The following DYNC1I1 variants were observed in gnomAD, a reference collection of about 807,000 sequenced individuals.
DYNC1I1 encodes cytoplasmic dynein 1 intermediate chain 1.
A neutral mutation model predicts 86.6 loss-of-function variants in DYNC1I1; 43 were observed. That is an observed-to-expected ratio of 0.50 (90% CI 0.39 to 0.64). The LOEUF is 0.64. DYNC1I1 is among the 30% of genes least tolerant of loss of function. DYNC1I1 has a pLI of 0.00. For synonymous variants in DYNC1I1, 262 were observed against 283.7 expected (o/e 0.92, Z 0.77); for missense variants, 604 against 788.8 (o/e 0.77, Z 2.81).
intron 14 of DYNC1I1, among the ~76,000 whole-genome samples, chr7:96,066,997 A>G (rs1322003016): frequency 1.3e-5 from 2 of 152,200 alleles, no homozygotes; most frequent in African/African-American, 4.8e-5. Flanking sequence ...AGACAGAAAC[A>G]TCTCCTAAAA....
intron 6 of DYNC1I1, among the ~76,000 whole-genome samples, chr7:95,916,344 A>G (rs1280816270): frequency 6.6e-6 from 1 of 152,238 alleles, no homozygotes; most frequent in East Asian, 1.9e-4. Flanking sequence ...AAACTGGAGT[A>G]TGTAAGCAGA....
intron 16 of DYNC1I1, among the ~76,000 whole-genome samples, chr7:96,105,798 G>T (rs1204445454): frequency 6.6e-6 from 1 of 152,022 alleles, no homozygotes; most frequent in Non-Finnish European, 1.5e-5. Flanking sequence ...AAACGTTTTT[G>T]GTAACAAGTG....
intron 1 of DYNC1I1, among the ~76,000 whole-genome samples, chr7:95,778,511 C>A (rs930139544): frequency 1.3e-5 from 2 of 152,084 alleles, no homozygotes; most frequent in African/African-American, 2.4e-5. Flanking sequence ...GTGAGTAGGG[C>A]CAGAAGGAGC....
At chr7:95,856,800 G>T (rs1292037293) in intron 5 of DYNC1I1, among the ~76,000 whole-genome samples, 1 of 151,950 alleles carries the variant, frequency 6.6e-6, no homozygotes, top group Non-Finnish European at 1.5e-5. Context: ...CCAAGATGGT[G>T]AAACCCCATC....
At chr7:95,814,808 T>C (rs1794911687) in intron 4 of DYNC1I1, among the ~76,000 whole-genome samples, 1 of 152,134 alleles carries the variant, frequency 6.6e-6, no homozygotes, top group South Asian at 2.1e-4. Context: ...TAGAGGTTTT[T>C]GAGGGCATAA....
At chr7:95,878,157 A>C (rs1476855557) in intron 6 of DYNC1I1, among the ~76,000 whole-genome samples, 4 of 152,182 alleles carry the variant, frequency 2.6e-5, no homozygotes, top group Non-Finnish European at 4.4e-5. Context: ...TAAAAAAAGA[A>C]ATTTGAGGCA....
At chr7:95,961,431 T>C (rs1792863940) in intron 6 of DYNC1I1, among the ~76,000 whole-genome samples, 1 of 152,232 alleles carries the variant, frequency 6.6e-6, no homozygotes, top group African/African-American at 2.4e-5. Flanking sequence ...TTTTATTTAA[T>C]TTGCTGAACA....
At chr7:95,883,219 C>T (rs1432831551) in intron 6 of DYNC1I1, among the ~76,000 whole-genome samples, 5 of 152,144 alleles carry the variant, frequency 3.3e-5, no homozygotes, top group African/African-American at 1.2e-4. Flanking sequence ...AAAGACCTCA[C>T]AATTGCTCAT....
intron 14 of DYNC1I1, 73 bp from the exon 15 acceptor site, chr7:96,075,984 T>G: frequency 6.5e-7 from 1 of 1,546,960 alleles, no homozygotes; most frequent in Non-Finnish European, 8.7e-7. Context: ...GTGCAAAGTT[T>G]TTAATTAGGC....
At chr7:95,971,935 C>T (rs1266118843) in intron 6 of DYNC1I1, among the ~76,000 whole-genome samples, 1 of 152,114 alleles carries the variant, frequency 6.6e-6, no homozygotes, top group African/African-American at 2.4e-5. Context: ...CCTGAGGTGG[C>T]AGATGGAGGA....
chr7:96,075,813 G>T (rs1790315516), intron 14 of DYNC1I1, among the ~76,000 whole-genome samples: 1 of 152,100 alleles, frequency 6.6e-6, no homozygotes, highest in Admixed American at 6.5e-5. Flanking sequence ...TCTGTTGTCT[G>T]AAACCGCCTC....
intron 1 of DYNC1I1, among the ~76,000 whole-genome samples, chr7:95,780,648 G>A (rs1438808952): frequency 6.6e-6 from 1 of 152,106 alleles, no homozygotes; most frequent in Non-Finnish European, 1.5e-5. Context: ...TCTTTGTCAA[G>A]ATGAAGACTT....
chr7:96,043,608 A>T (rs1789122962), intron 14 of DYNC1I1, among the ~76,000 whole-genome samples: 1 of 152,182 alleles, frequency 6.6e-6, no homozygotes, highest in Non-Finnish European at 1.5e-5. Flanking sequence ...GATCTTACAT[A>T]GATCTTGATT....
chr7:95,832,237 T>C (rs1421762356), intron 5 of DYNC1I1, among the ~76,000 whole-genome samples: 24 of 130,572 alleles, frequency 1.8e-4, no homozygotes, highest in South Asian at 5.2e-4. Context: ...TTTGTTCTTG[T>C]GATAGTTTAC....
At chr7:95,822,652 A>C (rs1304227578) in intron 4 of DYNC1I1, among the ~76,000 whole-genome samples, 1 of 152,190 alleles carries the variant, frequency 6.6e-6, no homozygotes, top group Admixed American at 6.5e-5. Context: ...CTGAACACAT[A>C]ATAGGGCTCC....
intron 12 of DYNC1I1, among the ~76,000 whole-genome samples, chr7:96,034,245 T>C (rs1255324804): frequency 6.6e-6 from 1 of 152,122 alleles, no homozygotes; most frequent in East Asian, 1.9e-4. Context: ...GCTGGAGGGA[T>C]TGGTATTTTA....
intron 1 of DYNC1I1, among the ~76,000 whole-genome samples, chr7:95,795,592 T>C (rs1794414926): frequency 6.6e-6 from 1 of 152,118 alleles, no homozygotes; most frequent in African/African-American, 2.4e-5. Context: ...TGCAGAAACA[T>C]GGATGGAGCT....
At chr7:96,109,986 C>T (rs762737993) in exon 17 of DYNC1I1, 3 of 376,918 alleles carry the variant, frequency 8.0e-6, no homozygotes, top group South Asian at 5.9e-5. Context: ...CAGGGTCTTG[C>T]TATGTTGCCA....
chr7:96,022,750 A>G (rs540828699), intron 10 of DYNC1I1, among the ~76,000 whole-genome samples: 1 of 152,078 alleles, frequency 6.6e-6, no homozygotes, highest in Admixed American at 6.6e-5. Context: ...CTGTAATCCC[A>G]GCTACTCAGG....
Sources: gnomAD v4.1 joint callset for allele counts (sites outside exome capture counted in the v4.1 genomes callset) on GRCh38, gnomAD v4.1.1 for gene constraint, MANE v1.5 for transcripts, NCBI Gene and HGNC (gene_info 2026-07-23, HGNC 2026-07-21) for gene names.